DSC3: variants seen among roughly 807,000 people sequenced by gnomAD.
The protein encoded by DSC3 is desmocollin-3.
Under a neutral mutation model 89.5 loss-of-function variants are expected in DSC3, and 97 were observed. The observed-to-expected ratio is 1.08, with a 90% CI of 0.92 to 1.28. The LOEUF is 1.28. Among genes scored for constraint, DSC3 ranks in the 50% most tolerant of loss-of-function variants. DSC3 has a pLI of 0.00. For synonymous variants in DSC3, 436 were observed against 384.1 expected, an observed-to-expected ratio of 1.14 and a Z score of -1.58; for missense variants, 1,199 against 1,085.3, an observed-to-expected ratio of 1.10 and a Z score of -1.47.
chr18:30,991,621 G>GT lies in DSC3; in HGVS notation c.*2553dup, dbSNP rs1984245675. 1 of 152,154 alleles carries GT rather than the reference G, an allele frequency of 6.6e-6. No individual in the cohort carries two copies. Among genetic ancestry groups the GT allele is most frequent in the East Asian group, 1.9e-4 (1 of 5,174 alleles). The allele number at this position is 152,154 out of a possible 1,614,324, so 9.4% of individuals were successfully genotyped here. On this transcript the variant is annotated 3_prime_UTR_variant, in exon 16 of 16. Coordinates refer to ENST00000360428, the MANE Select transcript of DSC3 (RefSeq NM_001941.5). Reference sequence around the variant, plus strand: ...GGAGGTAGCAGGTTTTGATCGGTGAGTGAGGGAGTGAGCAAAACACAGTGG... The same window carrying GT: ...GGAGGTAGCAGGTTTTGATCGGTGAGTTGAGGGAGTGAGCAAAACACAGTGG...
intron 14 of DSC3, among the ~76,000 whole-genome samples, chr18:31,001,089 GTATATATATATATA>G (rs67608580): frequency 7.9e-6 from 1 of 126,032 alleles, no homozygotes; most frequent in Non-Finnish European, 1.7e-5. Context: ...TTGTGTGTGT[GTATATATATATATA>G]TATATATATA....
At chr18:31,016,531 G>A (rs907304612) in intron 9 of DSC3, among the ~76,000 whole-genome samples, 1 of 152,102 alleles carries the variant, frequency 6.6e-6, no homozygotes, top group East Asian at 1.9e-4. Context: ...TGAGATATAC[G>A]GTAGCCCTTT....
rs1192963116 is a variant in DSC3, at chr18:31,008,107, T to A, written c.1572A>T (p.Ser524=). 6.2e-7 allele frequency: 1 copy of A among 1,612,830 alleles called. No homozygotes were observed. The highest frequency in any genetic ancestry group is 8.5e-7 in the Non-Finnish European group (1 of 1,179,304). The stretch of plus-strand genomic sequence containing the variant: ...GGATTTTGGAAGTTATGATTGACCC[T>A]GAAATTTCATCAATGGTGATCCAAC... The part of the protein sequence containing the change: ...PKGWITIDEI[S]GSIITSKILD... The change falls in exon 11 of 16, where the codon TCA becomes TCT. Residue 524 remains serine (S), a synonymous_variant. Transcript: ENST00000360428.
chr18:31,032,554 A>ATG (rs936935279), intron 1 of DSC3, among the ~76,000 whole-genome samples: 1,538 of 92,324 alleles, frequency 0.017, 6 homozygotes, highest in Middle Eastern at 0.025. Flanking sequence ...TTCTGTGTGT[A>ATG]TGTGTGTGTG....
rs193137228 is a variant in DSC3 at position 31,040,134 on chromosome 18, A to G, written c.69+2458T>C. 1.5e-3 allele frequency among the ~76,000 whole-genome samples: 221 copies of G among 152,258 alleles called. 2 individuals are homozygous for G. The highest frequency in any genetic ancestry group is 4.8e-3 in the South Asian group (23 of 4,824). On this transcript the variant is annotated intron_variant, in intron 1 of 15. Transcript: ENST00000360428. The stretch of plus-strand genomic sequence containing the variant: ...CATAGGTTGCAGGCAGAGTTCATAT[A>G]CTCCAAAGAGGAAAAGTACAGATTT...
Position 31,025,852 on chromosome 18 carries a change from T to C in DSC3, c.538A>G (p.Lys180Glu). Residue 180 changes from lysine to glutamate, a missense_variant, in exon 5 of 16, where the codon AAA becomes GAA. Transcript: ENST00000360428. ...FYSISGRGVD[K>E]EPLNLFYIER... is the part of the protein sequence containing the mutation. Reference sequence around the variant, plus strand: ...ATATAAAACAAATTTAAAGGTTCTTTATCAACTCCACGTCCACTTATTGAG... The same window carrying C: ...ATATAAAACAAATTTAAAGGTTCTTCATCAACTCCACGTCCACTTATTGAG... 1 of 1,613,186 alleles carries C rather than the reference T, an allele frequency of 6.2e-7. No homozygotes were observed.
chr18:31,007,843 T>C (rs1984906300), intron 11 of DSC3, among the ~76,000 whole-genome samples, 173 bp downstream of exon 11: 1 of 152,198 alleles, frequency 6.6e-6, no homozygotes, highest in Non-Finnish European at 1.5e-5. Flanking sequence ...AAAACACGGC[T>C]TCTTGTCACC....
intron 4 of DSC3, among the ~76,000 whole-genome samples, chr18:31,026,964 T>C (rs192986493): frequency 4.2e-4 from 64 of 152,188 alleles, no homozygotes; most frequent in African/African-American, 1.4e-3. Context: ...GTCCTTGGTG[T>C]TTTTTCAGAT....
Position 30,991,762 on chromosome 18 carries a change from C to G in DSC3, c.*2413G>C, listed in dbSNP as rs1427569591. 2 of 152,218 alleles carry G rather than the reference C, an allele frequency of 1.3e-5. No homozygotes were observed. The highest frequency in any genetic ancestry group is 3.8e-4 in the East Asian group (2 of 5,198). 9.4% of individuals were successfully genotyped at this position (152,218 alleles called of 1,614,324 possible). Reference sequence around the variant, plus strand: ...ATATTTTGTGCCCTGAGTTCTTTCTCCCCCTGGCTTCTCGACTGTCTTTTG... The same window carrying G: ...ATATTTTGTGCCCTGAGTTCTTTCTGCCCCTGGCTTCTCGACTGTCTTTTG... On this transcript the variant is annotated 3_prime_UTR_variant, in exon 16 of 16. Transcript: ENST00000360428.
At chr18:31,033,728 T>C (rs952211554) in intron 1 of DSC3, among the ~76,000 whole-genome samples, 2 of 152,228 alleles carry the variant, frequency 1.3e-5, no homozygotes, top group African/African-American at 4.8e-5. Context: ...AAAGAAAAGT[T>C]CTTAAATAAT....
chr18:31,032,104 A>T (rs897021712), intron 2 of DSC3, 88 bp downstream of exon 2: 6 of 905,098 alleles, frequency 6.6e-6, no homozygotes, highest in Non-Finnish European at 1.1e-5. Context: ...ATTCAGGCTA[A>T]CTCCAAAAGG....
intron 9 of DSC3, among the ~76,000 whole-genome samples, chr18:31,013,206 A>G (rs1985127674): frequency 6.6e-6 from 1 of 152,018 alleles, no homozygotes; most frequent in Non-Finnish European, 1.5e-5. Flanking sequence ...AAACTCAAAT[A>G]TACATGTATC....
chr18:30,998,066 A>G (rs1271596718), intron 14 of DSC3, among the ~76,000 whole-genome samples: 1 of 152,252 alleles, frequency 6.6e-6, no homozygotes. Context: ...GAAGAATTTT[A>G]ACTCATTACA....
At chr18:31,034,679 A>G (rs966018335) in intron 1 of DSC3, among the ~76,000 whole-genome samples, 4 of 152,214 alleles carry the variant, frequency 2.6e-5, no homozygotes, top group Non-Finnish European at 5.9e-5. Context: ...TATGCATGCT[A>G]CAACAAGGAT....
intron 4 of DSC3, among the ~76,000 whole-genome samples, chr18:31,027,914 T>C (rs948640510): frequency 2.0e-5 from 3 of 152,130 alleles, no homozygotes; most frequent in African/African-American, 7.2e-5. Context: ...CACACTCCAA[T>C]GCCCAGAGAG....
chr18:31,023,306 A>G (rs984034488), intron 6 of DSC3, among the ~76,000 whole-genome samples: 1 of 152,056 alleles, frequency 6.6e-6, no homozygotes, highest in African/African-American at 2.4e-5. Flanking sequence ...AAGTAAGAAA[A>G]CTCAGAGGGA....
intron 1 of DSC3, among the ~76,000 whole-genome samples, chr18:31,036,721 C>T (rs948748604): frequency 1.3e-5 from 2 of 150,422 alleles, no homozygotes; most frequent in Non-Finnish European, 3.0e-5. Context: ...ATTTAGGGCT[C>T]TTGAGACTTT....
chr18:31,034,875 T>C (rs1025370344), intron 1 of DSC3, among the ~76,000 whole-genome samples: 2 of 152,220 alleles, frequency 1.3e-5, no homozygotes, highest in Non-Finnish European at 1.5e-5. Flanking sequence ...AATTAGATTA[T>C]TGCACATTCT....
intron 14 of DSC3, among the ~76,000 whole-genome samples, chr18:30,999,849 T>C (rs1984593640): frequency 6.6e-6 from 1 of 152,184 alleles, no homozygotes; most frequent in Non-Finnish European, 1.5e-5. Context: ...TATGTTTTTG[T>C]ATAAATTAAT....
Sources: allele counts gnomAD v4.1 joint callset (sites outside exome capture counted in the v4.1 genomes callset), GRCh38; gene constraint gnomAD v4.1.1; transcripts MANE v1.5; gene names NCBI Gene and HGNC (gene_info 2026-07-23, HGNC 2026-07-21).